RANBP2: variants seen among roughly 807,000 people sequenced by gnomAD.
The protein encoded by RANBP2 is RAN binding protein 2.
RANBP2 carries 57 observed loss-of-function variants against 303.6 expected under a neutral mutation model. The observed-to-expected ratio is 0.19, with a 90% CI of 0.15 to 0.23. The LOEUF is 0.23. RANBP2 is among the 10% of genes least tolerant of loss of function. The pLI is 1.00. For synonymous variants in RANBP2, 1,167 were observed against 1,301.5 expected, an observed-to-expected ratio of 0.90 and a Z score of 2.23; for missense variants, 3,138 against 3,780.8, an observed-to-expected ratio of 0.83 and a Z score of 4.46.
the RANBP2 span, among the ~76,000 whole-genome samples, chr2:109,313,812 G>A: frequency 2.0e-5 from 3 of 152,250 alleles, no homozygotes; most frequent in Non-Finnish European, 4.4e-5. Flanking sequence ...GAAACAGAGG[G>A]GCTTATTCCA....
chr2:109,133,926 T>C, the RANBP2 span, among the ~76,000 whole-genome samples: 1 of 152,130 alleles, frequency 6.6e-6, no homozygotes. Flanking sequence ...TGTGGGTGAC[T>C]TTGGCTGTGT....
the RANBP2 span, among the ~76,000 whole-genome samples, chr2:109,563,917 T>G: frequency 6.6e-6 from 1 of 152,236 alleles, no homozygotes; most frequent in African/African-American, 2.4e-5. Flanking sequence ...GGCCAGGAGT[T>G]TGAGACCAGC....
the RANBP2 span, among the ~76,000 whole-genome samples, chr2:109,143,809 T>TACAC: frequency 0.025 from 3,773 of 148,764 alleles, 70 homozygotes; most frequent in African/African-American, 0.038. Flanking sequence ...CTGTGCTGTA[T>TACAC]ACACACACAC....
chr2:109,194,579 C>T, the RANBP2 span, among the ~76,000 whole-genome samples: 24 of 152,300 alleles, frequency 1.6e-4, no homozygotes, highest in African/African-American at 4.3e-4. Flanking sequence ...GCCCGGCGGG[C>T]GGGCTGGGTA....
the RANBP2 span, among the ~76,000 whole-genome samples, chr2:109,622,771 A>G: frequency 4.9e-4 from 75 of 152,292 alleles, 1 homozygote; most frequent in East Asian, 0.011. Flanking sequence ...AAAACCAGCA[A>G]CACGGCATCT....
chr2:108,945,958 C>G, the RANBP2 span, among the ~76,000 whole-genome samples: 1 of 152,160 alleles, frequency 6.6e-6, no homozygotes, highest in Non-Finnish European at 1.5e-5. Flanking sequence ...TTGACCCTTC[C>G]TCAAAATAAA....
chr2:109,573,900 T>A, the RANBP2 span, among the ~76,000 whole-genome samples: 105 of 152,310 alleles, frequency 6.9e-4, no homozygotes, highest in African/African-American at 2.4e-3. Flanking sequence ...TTTACGACAA[T>A]ATCTAATGCA....
chr2:109,580,816 C>T, the RANBP2 span, among the ~76,000 whole-genome samples: 2 of 152,218 alleles, frequency 1.3e-5, no homozygotes, highest in Admixed American at 6.5e-5. Flanking sequence ...TGAGCCCTAC[C>T]ATGTCCCAGC....
chr2:109,354,267 G>A, the RANBP2 span, among the ~76,000 whole-genome samples: 10 of 152,246 alleles, frequency 6.6e-5, no homozygotes. Flanking sequence ...GGTCACTGCG[G>A]TGGAGCAGGC....
At chr2:108,887,029 C>A in the RANBP2 span, among the ~76,000 whole-genome samples, 11 of 152,186 alleles carry the variant, frequency 7.2e-5, no homozygotes, top group African/African-American at 2.7e-4. Flanking sequence ...ATGTGTAAAT[C>A]TCTAATCTAT....
the RANBP2 span, among the ~76,000 whole-genome samples, chr2:109,669,898 C>T: frequency 3.3e-5 from 5 of 151,040 alleles, no homozygotes; most frequent in Non-Finnish European, 7.4e-5. Context: ...ACCCCCAACC[C>T]ACTCTATGCT....
the RANBP2 span, among the ~76,000 whole-genome samples, chr2:109,245,726 C>G: frequency 6.6e-6 from 1 of 152,130 alleles, no homozygotes; most frequent in African/African-American, 2.4e-5. Flanking sequence ...TTAACAAATT[C>G]AGGAAATTCA....
chr2:109,171,179 GTTTA>G, the RANBP2 span, among the ~76,000 whole-genome samples: 6 of 152,054 alleles, frequency 3.9e-5, no homozygotes, highest in African/African-American at 1.4e-4. Context: ...ACATTTTTTG[GTTTA>G]TTTATGTATA....
the RANBP2 span, among the ~76,000 whole-genome samples, chr2:109,583,668 CA>C: frequency 1.3e-5 from 2 of 152,052 alleles, no homozygotes; most frequent in Non-Finnish European, 2.9e-5. Flanking sequence ...CTCATTCTAC[CA>C]AAAAGACACA....
At chr2:109,185,844 T>G in the RANBP2 span, among the ~76,000 whole-genome samples, 2 of 152,250 alleles carry the variant, frequency 1.3e-5, no homozygotes, top group Non-Finnish European at 2.9e-5. Context: ...CGACAGTGTC[T>G]TGTAATTAGG....
the RANBP2 span, among the ~76,000 whole-genome samples, chr2:108,854,003 T>A: frequency 0.013 from 74 of 5,844 alleles, no homozygotes; most frequent in East Asian, 0.16. Context: ...AAATTTATAT[T>A]ATATATAATA....
chr2:109,211,133 A>G, the RANBP2 span, among the ~76,000 whole-genome samples: 1 of 152,174 alleles, frequency 6.6e-6, no homozygotes, highest in African/African-American at 2.4e-5. Flanking sequence ...AGAAAACGTT[A>G]CTTGCAGAAT....
At chr2:108,926,533 G>A in the RANBP2 span, among the ~76,000 whole-genome samples, 1 of 152,222 alleles carries the variant, frequency 6.6e-6, no homozygotes, top group Non-Finnish European at 1.5e-5. Context: ...CCAGTGCAGA[G>A]TCGCTGTGTC....
At chr2:109,491,367 C>G in the RANBP2 span, among the ~76,000 whole-genome samples, 1 of 152,192 alleles carries the variant, frequency 6.6e-6, no homozygotes, top group Non-Finnish European at 1.5e-5. Context: ...CACTCGGCGT[C>G]TTAGAATTGT....
Sources: gnomAD v4.1 joint callset for allele counts (sites outside exome capture counted in the v4.1 genomes callset) on GRCh38, gnomAD v4.1.1 for gene constraint, MANE v1.5 for transcripts, NCBI Gene and HGNC (gene_info 2026-07-23, HGNC 2026-07-21) for gene names.